ABCG1: variants seen among roughly 807,000 people sequenced by gnomAD.
ABCG1 encodes ATP binding cassette subfamily G member 1.
A neutral mutation model predicts 69.2 loss-of-function variants in ABCG1; 29 were observed. The observed-to-expected ratio is 0.42, with a 90% CI of 0.31 to 0.57. ABCG1 has a LOEUF of 0.57. Ranked by LOEUF, ABCG1 falls within the 20% of genes least tolerant of loss-of-function variation. ABCG1 has a pLI of 0.15. For synonymous variants in ABCG1, 370 were observed against 374.8 expected (o/e 0.99, Z 0.15); for missense variants, 718 against 898.1 (o/e 0.80, Z 2.56).
rs116596428 is a variant in ABCG1, at chr21:42,288,729, A to G, written c.1224+417A>G. Among the ~76,000 whole-genome samples the G allele has an allele frequency of 0.013, 1,904 of 151,908 alleles. 33 individuals are homozygous for G. The highest frequency in any genetic ancestry group is 0.04 in the African/African-American group (1,651 of 41,328). ...ATCTGAAAAAGAAAGAAAGGAAAGA[A>G]AGGAAGGGAAAGGGAAAGGGAGAAA... On this transcript the variant is annotated intron_variant, in intron 10 of 14. Coordinates refer to ENST00000398449, the MANE Select transcript of ABCG1 (RefSeq NM_016818.3). This position sits in a 1 kb window ranked among gnomAD's most constrained non-coding sequence, Gnocchi z 4.8.
chr21:42,219,084 C>G (rs2067676972), upstream of ABCG1: 1 of 414,838 alleles, frequency 2.4e-6, no homozygotes, highest in Admixed American at 5.3e-5. The surrounding 1 kb of genome is among the most constrained non-coding windows in gnomAD (Gnocchi z 5.3). Context: ...CGGCCAATCG[C>G]GCGCTCGGGG....
intron 2 of ABCG1, among the ~76,000 whole-genome samples, chr21:42,241,620 CAA>C (rs11330762): frequency 2.9e-4 from 42 of 144,446 alleles, no homozygotes; most frequent in African/African-American, 3.8e-4. Context: ...AAAAAAATAA[CAA>C]AAAAAAAACA....
intron 1 of ABCG1, among the ~76,000 whole-genome samples, chr21:42,225,202 T>C (rs111529600): frequency 0.028 from 4,337 of 152,306 alleles, 103 homozygotes; most frequent in Middle Eastern, 0.051. Flanking sequence ...GGTGATGTCA[T>C]TGCTCCTGAG....
chr21:42,274,628 C>T (rs1224775354), intron 4 of ABCG1, among the ~76,000 whole-genome samples: 1 of 152,196 alleles, frequency 6.6e-6, no homozygotes, highest in Non-Finnish European at 1.5e-5. Context: ...GCGCCCACCA[C>T]CATGCCCGGC....
intron 11 of ABCG1, 151 bp downstream of exon 11, chr21:42,290,369 G>A: frequency 1.1e-6 from 1 of 881,066 alleles, no homozygotes; most frequent in Non-Finnish European, 1.7e-6. Context: ...ACAGATGCAA[G>A]TTGTATTGTA....
intron 14 of ABCG1, 96 bp downstream of exon 14, chr21:42,294,756 C>CCAGCAGCCCAGAG: frequency 8.8e-7 from 1 of 1,134,340 alleles, no homozygotes; most frequent in Non-Finnish European, 1.3e-6. Flanking sequence ...CCACTCTGGG[C>CCAGCAGCCCAGAG]TGCTGGCCAA....
At position 42,273,343 on chromosome 21, in the gene ABCG1, C is replaced by G. The variant is rs1390008943; in HGVS notation, c.445C>G (p.Pro149Ala). Residue 149 changes from proline to alanine, a missense_variant, in exon 4 of 15, where the codon CCC becomes GCC. Physicochemically the swap from Pro to Ala is conservative, Grantham distance 27. Transcript: ENST00000398449. The surrounding 1 kb of genome is among the most constrained non-coding windows in gnomAD (Gnocchi z 5.3). ...MKGAVLINGLPRDLRCFRKVS... is the reference protein window; with the variant it reads ...MKGAVLINGLARDLRCFRKVS... ...GGGGGCCGTCCTCATCAACGGCCTG[C>G]CCCGGGACCTGCGCTGCTTCCGGAA... 6.2e-7 allele frequency: 1 copy of G among 1,613,822 alleles called. No individual in the cohort carries two copies. Among genetic ancestry groups the G allele is most frequent in the Non-Finnish European group, 8.5e-7 (1 of 1,179,982 alleles).
In ABCG1 at chr21:42,282,368, C is replaced by T. The variant is rs750210537; in HGVS notation, c.683C>T (p.Ala228Val). 1.7e-5 allele frequency: 27 copies of T among 1,613,788 alleles called. No homozygotes were observed. The highest frequency in any genetic ancestry group is 2.2e-5 in the East Asian group (1 of 44,890). The change falls in exon 6 of 15, where the codon GCG becomes GTG. Residue 228 changes from alanine (A) to valine (V), a missense_variant. Physicochemically the swap from Ala to Val is moderately conservative, Grantham distance 64. Around this residue, in one of 2 missense-constraint regions of ABCG1, gnomAD observed 514 missense variants for 574.3 expected, o/e 0.90. Transcript: ENST00000398449. ...GGTCAGCGCAAGCGCCTGGCCATCG[C>T]GCTGGAGCTGGTGAACAACCCTCCA... Reference protein sequence around the residue: ...SGGQRKRLAIALELVNNPPVM... With the variant: ...SGGQRKRLAIVLELVNNPPVM...
chr21:42,219,397 C>T lies in ABCG1; in HGVS notation c.42+93C>T. 1 of 1,507,976 alleles carries T rather than the reference C, an allele frequency of 6.6e-7. No homozygotes were observed. The highest frequency in any genetic ancestry group is 1.7e-4 in the Middle Eastern group (1 of 5,762). 93.4% of individuals were successfully genotyped at this position (1,507,976 alleles called of 1,614,324 possible). A position where few individuals can be genotyped will look rare whatever the true frequency, so the allele number is the denominator to read the frequency against. On this transcript the variant is annotated intron_variant, in intron 1 of 14. Transcript: ENST00000398449. The surrounding 1 kb of genome is among the most constrained non-coding windows in gnomAD (Gnocchi z 5.3). ...GACTCGCAAGCTCGACCTGACACCC[C>T]TCCCAGGAGCGCGTCCTCTGGGCGC...
rs1302558787 is a variant in ABCG1 at position 42,219,713 on chromosome 21, C to CCG, written c.42+418_42+419dup. 97 of 1,026,998 alleles carry CCG rather than the reference C, an allele frequency of 9.4e-5. No individual in the cohort carries two copies. Among genetic ancestry groups the CCG allele is most frequent in the Non-Finnish European group, 1.2e-4 (92 of 741,690 alleles). The allele number at this position is 1,026,998 out of a possible 1,614,324, so 63.6% of individuals were successfully genotyped here. A position where few individuals can be genotyped will look rare whatever the true frequency, so the allele number is the denominator to read the frequency against. ...AGAGGGGACTTGAAGAAGGGGAGCCCCGCGCGCGCGGCTGTGGGCTTGGGG... is the reference window on the plus strand; with the variant it reads ...AGAGGGGACTTGAAGAAGGGGAGCCCCGCGCGCGCGCGGCTGTGGGCTTGGGG... On this transcript the variant is annotated intron_variant, in intron 1 of 14. Coordinates refer to ENST00000398449, the MANE Select transcript of ABCG1 (RefSeq NM_016818.3). The surrounding 1 kb of genome is among the most constrained non-coding windows in gnomAD (Gnocchi z 5.3).
At chr21:42,277,784 C>T (rs2068736855) in intron 5 of ABCG1, among the ~76,000 whole-genome samples, 3 of 152,184 alleles carry the variant, frequency 2.0e-5, no homozygotes, top group Non-Finnish European at 4.4e-5. Context: ...CCTTTGTGTT[C>T]TGGTATAAAA....
At chr21:42,264,375 ATCTG>A (rs1333239436) in intron 2 of ABCG1, among the ~76,000 whole-genome samples, 4 of 152,156 alleles carry the variant, frequency 2.6e-5, no homozygotes, top group Admixed American at 1.3e-4. Context: ...TCATCCATCC[ATCTG>A]TCTGTCCCTC....
chr21:42,209,964 G>C (rs2067573326), intron 2 of ABCG1, among the ~76,000 whole-genome samples: 1 of 152,216 alleles, frequency 6.6e-6, no homozygotes, highest in Non-Finnish European at 1.5e-5. Flanking sequence ...CTTGGGAAGG[G>C]CCAATGATGG....
intron 2 of ABCG1, among the ~76,000 whole-genome samples, chr21:42,250,639 G>A (rs970841924): frequency 4.6e-5 from 7 of 152,232 alleles, no homozygotes; most frequent in African/African-American, 1.7e-4. Context: ...AGTTCTTTGG[G>A]TCACACACAC....
At chr21:42,239,735 A>G (rs570427689) in intron 2 of ABCG1, among the ~76,000 whole-genome samples, 1 of 152,322 alleles carries the variant, frequency 6.6e-6, no homozygotes, top group East Asian at 1.9e-4. Context: ...TTGGTGACCC[A>G]TGCTCCTAGA....
chr21:42,256,114 T>C (rs2068299538), intron 2 of ABCG1: 3 of 1,339,608 alleles, frequency 2.2e-6, no homozygotes, highest in Non-Finnish European at 2.9e-6. Flanking sequence ...GTGAGGCCCG[T>C]GACCTTCCCA....
intron 2 of ABCG1, among the ~76,000 whole-genome samples, chr21:42,227,608 G>A (rs1283864458): frequency 6.6e-6 from 1 of 152,340 alleles, no homozygotes; most frequent in Non-Finnish European, 1.5e-5. Flanking sequence ...CATAAGCCTG[G>A]CACACAGGTG....
intron 5 of ABCG1, among the ~76,000 whole-genome samples, chr21:42,281,174 C>T (rs954672626): frequency 1.2e-4 from 19 of 152,232 alleles, no homozygotes; most frequent in Admixed American, 1.0e-3. Flanking sequence ...TTTTCTTCCT[C>T]GTGAGTTCTT....
At chr21:42,277,357 C>G (rs1349885213) in intron 5 of ABCG1, among the ~76,000 whole-genome samples, 2 of 152,180 alleles carry the variant, frequency 1.3e-5, no homozygotes, top group Non-Finnish European at 1.5e-5. Context: ...CACCCTCCAT[C>G]CACCTACACT....
Sources: allele counts gnomAD v4.1 joint callset (sites outside exome capture counted in the v4.1 genomes callset), GRCh38; gene constraint gnomAD v4.1.1; regional missense constraint gnomAD v4.1.1; non-coding constraint Gnocchi (gnomAD v3.1); transcripts MANE v1.5; gene names NCBI Gene and HGNC (gene_info 2026-07-23, HGNC 2026-07-21).